The following TFEB variants were observed in gnomAD, a reference collection of about 807,000 sequenced individuals.
TFEB encodes transcription factor EB.
In TFEB, 12 loss-of-function variants were observed where a neutral mutation model predicts 48.0. The ratio of observed to expected loss-of-function variants is 0.25; its 90% CI spans 0.16 to 0.40. TFEB has a LOEUF of 0.40. Ranked by LOEUF, TFEB falls within the 10% of genes least tolerant of loss-of-function variation. TFEB has a pLI of 1.00. For synonymous variants in TFEB, 244 were observed against 261.4 expected (o/e 0.93, Z 0.64); for missense variants, 509 against 640.3 (o/e 0.79, Z 2.21).
At position 41,696,608 on chromosome 6, in the gene TFEB, C is replaced by T. The variant is rs569037904; in HGVS notation, c.-22-5373G>A. ...ACTCGGGAGGCTGAGACAGAAGAAT[C>T]GCTTGAACCCGGGAGGCAGAGGTTG... On this transcript the variant is annotated intron_variant, in intron 1 of 8. Coordinates refer to ENST00000373033, the MANE Select transcript of TFEB (RefSeq NM_001271944.2). Among the ~76,000 whole-genome samples, 172 of 152,188 alleles carry T rather than the reference C, an allele frequency of 1.1e-3. 3 individuals are homozygous for T. Among genetic ancestry groups the T allele is most frequent in the East Asian group, 7.7e-4 (4 of 5,182 alleles).
At chr6:41,721,375 A>G (rs191062422) in intron 1 of TFEB, among the ~76,000 whole-genome samples, 2 of 105,532 alleles carry the variant, frequency 1.9e-5, no homozygotes, top group Admixed American at 9.3e-5. Context: ...GCACACATAC[A>G]CACACACACA....
At chr6:41,697,059 C>A (rs981603676) in intron 1 of TFEB, among the ~76,000 whole-genome samples, 3 of 152,142 alleles carry the variant, frequency 2.0e-5, no homozygotes, top group African/African-American at 4.8e-5. Context: ...TGCTCCCTTA[C>A]AACTTATAAT....
intron 1 of TFEB, among the ~76,000 whole-genome samples, chr6:41,715,235 C>T (rs543055472): frequency 1.3e-5 from 2 of 152,122 alleles, no homozygotes; most frequent in Non-Finnish European, 2.9e-5. Context: ...GGAGTATGTG[C>T]GGACCACACA....
At chr6:41,718,156 G>A (rs1285713486) in intron 1 of TFEB, among the ~76,000 whole-genome samples, 3 of 151,900 alleles carry the variant, frequency 2.0e-5, no homozygotes, top group South Asian at 2.1e-4. Flanking sequence ...TGTCATTTTG[G>A]GTGGTAAGAA....
chr6:41,735,624 C>T (rs1173925794), upstream of TFEB: 31 of 951,550 alleles, frequency 3.3e-5, no homozygotes, highest in Non-Finnish European at 3.8e-5. Flanking sequence ...CTTCCCTCCG[C>T]GCCCGGCAGA....
chr6:41,685,216 C>A, intron 8 of TFEB, 138 bp from the exon 9 acceptor site: 1 of 1,154,242 alleles, frequency 8.7e-7, no homozygotes, highest in Non-Finnish European at 1.1e-6. Flanking sequence ...TGGAAGAAAG[C>A]ATAGGGTAGC....
intron 1 of TFEB, among the ~76,000 whole-genome samples, chr6:41,712,527 C>G (rs2127251719): frequency 6.6e-6 from 1 of 152,280 alleles, no homozygotes; most frequent in South Asian, 2.1e-4. Context: ...ACTAAGTCTC[C>G]CTGCTCTTGT....
intron 1 of TFEB, among the ~76,000 whole-genome samples, chr6:41,707,230 C>T (rs1468304322): frequency 6.6e-6 from 1 of 152,212 alleles, no homozygotes; most frequent in East Asian, 1.9e-4. Context: ...ACACACCTGC[C>T]TGGAGTGAGT....
chr6:41,706,441 A>G (rs1463120734), intron 1 of TFEB, among the ~76,000 whole-genome samples: 1 of 152,152 alleles, frequency 6.6e-6, no homozygotes, highest in East Asian at 1.9e-4. Context: ...GCAGTGGCCC[A>G]GGAACTCAGC....
At chr6:41,714,540 C>A (rs971634647) in intron 1 of TFEB, among the ~76,000 whole-genome samples, 4 of 152,220 alleles carry the variant, frequency 2.6e-5, no homozygotes, top group Non-Finnish European at 5.9e-5. Flanking sequence ...GAGGTGCGGC[C>A]TTGATGGTAT....
intron 4 of TFEB, among the ~76,000 whole-genome samples, chr6:41,688,688 A>C (rs1160505301): frequency 6.6e-6 from 1 of 152,180 alleles, no homozygotes; most frequent in African/African-American, 2.4e-5. Flanking sequence ...GTACACAGGA[A>C]CTACTAAAGG....
chr6:41,714,110 C>T (rs576447844), intron 1 of TFEB, among the ~76,000 whole-genome samples: 1 of 144,298 alleles, frequency 6.9e-6, no homozygotes, highest in East Asian at 2.1e-4. Flanking sequence ...TGTGTGTGCA[C>T]GTGTGTGTGT....
In TFEB at chr6:41,724,629, C is replaced by A. The variant is rs560745997; in HGVS notation, c.-23+10721G>T. Among the ~76,000 whole-genome samples, 1 of 152,160 alleles carries A rather than the reference C, an allele frequency of 6.6e-6. No homozygotes were observed. The highest frequency in any genetic ancestry group is 1.5e-5 in the Non-Finnish European group (1 of 68,006). ...AGGACCTCTGGCTCCCGCCCCTTGC[C>A]GCCCGAGACCTGCAATGGGGCCTCA... On this transcript the variant is annotated intron_variant, in intron 1 of 8. Transcript: ENST00000373033. The surrounding 1 kb of genome is among the most constrained non-coding windows in gnomAD (Gnocchi z 4.4).
In TFEB at chr6:41,691,511, C is replaced by T. The variant is rs1270666586; in HGVS notation, c.-22-276G>A. 1.6e-6 allele frequency: 1 copy of T among 644,846 alleles called. No homozygotes were observed. The highest frequency in any genetic ancestry group is 2.9e-6 in the Non-Finnish European group (1 of 345,478). 39.9% of individuals were successfully genotyped at this position (644,846 alleles called of 1,614,324 possible). ...CCCAAACTCTAAGAGTCAACTTCCA[C>T]TCCTCTCTGTGTCACGCCCACATCC... On this transcript the variant is annotated intron_variant, in intron 1 of 8. Transcript: ENST00000373033. This position sits in a 1 kb window ranked among gnomAD's most constrained non-coding sequence, Gnocchi z 5.2.
At chr6:41,709,964 T>C (rs1305435231) in intron 1 of TFEB, among the ~76,000 whole-genome samples, 1 of 152,040 alleles carries the variant, frequency 6.6e-6, no homozygotes, top group African/African-American at 2.4e-5. Flanking sequence ...ATTTGTTTAT[T>C]TTTTGTAGAG....
chr6:41,724,047 G>C lies in TFEB; in HGVS notation c.-23+11303C>G. 2.4e-6 allele frequency: 1 copy of C among 423,612 alleles called. No individual in the cohort carries two copies. The highest frequency in any genetic ancestry group is 2.7e-5 in the Admixed American group (1 of 37,516). The allele number at this position is 423,612 out of a possible 1,614,324, so 26.2% of individuals were successfully genotyped here. On this transcript the variant is annotated intron_variant, in intron 1 of 8. Coordinates refer to ENST00000373033, the MANE Select transcript of TFEB (RefSeq NM_001271944.2). This position sits in a 1 kb window ranked among gnomAD's most constrained non-coding sequence, Gnocchi z 4.4. ...CCCAGGGCCTCCAGACACCCAGGTC[G>C]AGGCCGTACTACAGCCCACCTTGAA...
intron 1 of TFEB, among the ~76,000 whole-genome samples, chr6:41,706,432 C>T (rs1370990047): frequency 1.3e-5 from 2 of 152,158 alleles, no homozygotes. Context: ...ACAGCACAGG[C>T]AGTGGCCCAG....
rs896570823 is a variant in TFEB, at chr6:41,734,723, C to T, written c.-23+627G>A. Among the ~76,000 whole-genome samples, 5 of 150,588 alleles carry T rather than the reference C, an allele frequency of 3.3e-5. No homozygotes were observed. Among genetic ancestry groups the T allele is most frequent in the African/African-American group, 1.2e-4 (5 of 40,922 alleles). ...GAGACTGCCCAGGGACTCGAGGGGA[C>T]GGGGCCAGGGGCGGCTTCTTCAAGA... On this transcript the variant is annotated intron_variant, in intron 1 of 8. Transcript: ENST00000373033. This position sits in a 1 kb window ranked among gnomAD's most constrained non-coding sequence, Gnocchi z 4.0.
intron 6 of TFEB, 154 bp downstream of exon 6, chr6:41,687,599 G>T: frequency 1.1e-6 from 1 of 901,560 alleles, no homozygotes; most frequent in East Asian, 2.4e-5. Flanking sequence ...AGGCACCACT[G>T]AGCGACAGCA....
Sources: allele counts gnomAD v4.1 joint callset (sites outside exome capture counted in the v4.1 genomes callset), GRCh38; gene constraint gnomAD v4.1.1; non-coding constraint Gnocchi (gnomAD v3.1); transcripts MANE v1.5; gene names NCBI Gene and HGNC (gene_info 2026-07-23, HGNC 2026-07-21).